RNF214: variants seen among roughly 807,000 people sequenced by gnomAD.
RNF214 encodes ring finger protein 214.
RNF214 carries 25 observed loss-of-function variants against 75.9 expected under a neutral mutation model. The observed-to-expected ratio is 0.33, with a 90% CI of 0.24 to 0.46. The LOEUF (loss-of-function observed/expected upper bound fraction) is 0.46. Ranked by LOEUF, RNF214 falls within the 20% of genes least tolerant of loss-of-function variation. The pLI is 1.00. For missense variants in RNF214, 725 were observed against 857.5 expected (o/e 0.85, Z 1.93); for synonymous variants, 314 against 308.8 (o/e 1.02, Z -0.18).
At chr11:117,241,578 C>CAA (rs201566240) in intron 4 of RNF214, among the ~76,000 whole-genome samples, 187 of 102,910 alleles carry the variant, frequency 1.8e-3, no homozygotes, top group South Asian at 0.014. Flanking sequence ...GAATCTGTCT[C>CAA]AAAAAAAAAA....
intron 6 of RNF214, among the ~76,000 whole-genome samples, chr11:117,260,718 G>T (rs886567200): frequency 6.8e-6 from 1 of 147,216 alleles, no homozygotes; most frequent in African/African-American, 2.5e-5. Flanking sequence ...ATAATGGCGC[G>T]ATCTTGGCTC....
chr11:117,251,670 G>T (rs1320321587), intron 6 of RNF214, among the ~76,000 whole-genome samples: 1 of 152,150 alleles, frequency 6.6e-6, no homozygotes, highest in Non-Finnish European at 1.5e-5. Flanking sequence ...GGCAACAAAT[G>T]AAGGAAAAGA....
At chr11:117,280,681 A>C (rs1042052511) in intron 8 of RNF214, among the ~76,000 whole-genome samples, 1 of 152,192 alleles carries the variant, frequency 6.6e-6, no homozygotes, top group Non-Finnish European at 1.5e-5. Context: ...AAAAAATAAA[A>C]AATAACCAGC....
At position 117,245,346 on chromosome 11, in the gene RNF214, T is replaced by C. The variant is rs913717565; in HGVS notation, c.819+761T>C. ...AAAAAGTATTAATACTCATAGACTTTTTTTTTTTTTTGAGACGGAGTCTCG... is the reference window on the plus strand; with the variant it reads ...AAAAAGTATTAATACTCATAGACTTCTTTTTTTTTTTGAGACGGAGTCTCG... On this transcript the variant is annotated intron_variant, in intron 5 of 14. Coordinates refer to ENST00000300650, the MANE Select transcript of RNF214 (RefSeq NM_207343.4). 1.2e-4 allele frequency among the ~76,000 whole-genome samples: 18 copies of C among 150,574 alleles called. No individual in the cohort carries two copies. The South Asian group carries it at 3.8e-3, about 32-fold the overall frequency.
chr11:117,232,709 C>G lies in RNF214; in HGVS notation c.-24C>G, dbSNP rs1050283474. Reference sequence around the variant, plus strand: ...CCCCGTGGCTCGGCCGCCCCCTCCCCCCGCTCCGCCCGCTCAGGTGCGTCC... The same window carrying G: ...CCCCGTGGCTCGGCCGCCCCCTCCCGCCGCTCCGCCCGCTCAGGTGCGTCC... On this transcript the variant is annotated 5_prime_UTR_variant, in exon 1 of 15. Transcript: ENST00000300650. 26 of 150,924 alleles carry G rather than the reference C, an allele frequency of 1.7e-4. No individual in the cohort carries two copies. Among genetic ancestry groups the G allele is most frequent in the African/African-American group, 6.1e-4 (25 of 41,208 alleles). The allele number at this position is 150,924 out of a possible 1,614,324, so 9.3% of individuals were successfully genotyped here.
At chr11:117,275,007 A>G (rs1277159530) in intron 6 of RNF214, among the ~76,000 whole-genome samples, 3 of 152,112 alleles carry the variant, frequency 2.0e-5, no homozygotes, top group Non-Finnish European at 4.4e-5. Context: ...GATAGGCCAT[A>G]TGATAGGCTA....
At chr11:117,251,390 C>G (rs866790118) in intron 6 of RNF214, among the ~76,000 whole-genome samples, 4 of 141,450 alleles carry the variant, frequency 2.8e-5, no homozygotes, top group African/African-American at 7.8e-5. Context: ...CTGACCCCCC[C>G]ACCTCCCTCC....
At position 117,238,995 on chromosome 11, in the gene RNF214, A is replaced by T; in HGVS notation, c.502A>T (p.Ser168Cys). The T allele has an allele frequency of 2.5e-6, 4 of 1,614,182 alleles. No individual in the cohort carries two copies. Among genetic ancestry groups the T allele is most frequent in the Non-Finnish European group, 3.4e-6 (4 of 1,180,024 alleles). ...CCTAAAGGAAGGTAACAGGGACACA[A>T]GCTTGGATTTCCGACCTGTAGTGTC... ...SILKEGNRDT[S>C]LDFRPVVSPA... Residue 168 changes from serine to cysteine, a missense_variant, in exon 3 of 15, where the codon AGC becomes TGC. Physicochemically the swap from Ser to Cys is moderately radical, Grantham distance 112 (BLOSUM62 -1). Coordinates refer to ENST00000300650, the MANE Select transcript of RNF214 (RefSeq NM_207343.4).
chr11:117,242,684 C>G (rs1179480477), intron 4 of RNF214, among the ~76,000 whole-genome samples: 2 of 152,206 alleles, frequency 1.3e-5, no homozygotes, highest in Non-Finnish European at 2.9e-5. Flanking sequence ...AAAACCCCAT[C>G]TCTCCTAAAA....
rs534624106 is a variant in RNF214, at chr11:117,273,125, G to A, written c.960-6783G>A. ...TTTCATGGAAGAAGCTTACTTATCT[G>A]CTATATTTAATTGATTGCAATATAT... On this transcript the variant is annotated intron_variant, in intron 6 of 14. Coordinates refer to ENST00000300650, the MANE Select transcript of RNF214 (RefSeq NM_207343.4). Among the ~76,000 whole-genome samples, 9 of 152,084 alleles carry A rather than the reference G, an allele frequency of 5.9e-5. No individual in the cohort carries two copies. In the South Asian group the frequency reaches 1.9e-3, roughly 32 times the overall value.
intron 6 of RNF214, among the ~76,000 whole-genome samples, chr11:117,273,443 A>C (rs1361569721): frequency 6.7e-6 from 1 of 148,630 alleles, no homozygotes; most frequent in Non-Finnish European, 1.5e-5. Flanking sequence ...CTATTTGTTT[A>C]CCTTGAATTT....
In RNF214 at chr11:117,281,786, G is replaced by T. The variant is rs1047753482; in HGVS notation, c.1335+88G>T. 2.6e-4 allele frequency: 389 copies of T among 1,506,544 alleles called. 2 individuals are homozygous for T. The highest frequency in any genetic ancestry group is 6.9e-4 in the Middle Eastern group (4 of 5,834). The allele number at this position is 1,506,544 out of a possible 1,614,324, so 93.3% of individuals were successfully genotyped here. On this transcript the variant is annotated intron_variant, in intron 10 of 14. Transcript: ENST00000300650. ...TGCGTGTTCTTTTTATGAAGATATT[G>T]GGACCATCCCTATTCAGTGCAAGAG...
chr11:117,245,941 G>C (rs1215590394), intron 5 of RNF214, among the ~76,000 whole-genome samples: 1 of 152,080 alleles, frequency 6.6e-6, no homozygotes, highest in African/African-American at 2.4e-5. Context: ...TGAAGTGGGG[G>C]AGTGACTCTT....
chr11:117,281,639 G>A lies in RNF214; in HGVS notation c.1276G>A (p.Ala426Thr), dbSNP rs1444107489. The A allele has an allele frequency of 6.2e-7, 1 of 1,613,704 alleles. No homozygotes were observed. Among genetic ancestry groups the A allele is most frequent in the Non-Finnish European group, 8.5e-7 (1 of 1,179,772 alleles). Reference protein sequence around the residue: ...NSHIQLVRNGAKLSSLPQIPT... With the variant: ...NSHIQLVRNGTKLSSLPQIPT... ...TCATATCCAGTTAGTGAGGAACGGA[G>A]CCAAGCTGAGCAGCCTTCCTCAAAT... Residue 426 changes from alanine to threonine, a missense_variant, in exon 10 of 15, where the codon GCC becomes ACC. Around this residue, in one of 2 missense-constraint regions of RNF214, gnomAD observed 363 missense variants for 513.0 expected, o/e 0.71. Transcript: ENST00000300650.
At chr11:117,251,803 G>C (rs1448785370) in intron 6 of RNF214, among the ~76,000 whole-genome samples, 4 of 152,166 alleles carry the variant, frequency 2.6e-5, no homozygotes, top group African/African-American at 9.7e-5. Context: ...CCATGATAGA[G>C]ATATTGAAGG....
chr11:117,256,012 A>G (rs1221561358), intron 6 of RNF214, among the ~76,000 whole-genome samples: 1 of 152,186 alleles, frequency 6.6e-6, no homozygotes, highest in Non-Finnish European at 1.5e-5. Flanking sequence ...GTATGACCTT[A>G]TTACTTGCCC....
chr11:117,254,786 G>C (rs1482492153), intron 6 of RNF214, among the ~76,000 whole-genome samples: 20 of 152,054 alleles, frequency 1.3e-4, no homozygotes, highest in Non-Finnish European at 8.8e-5. Flanking sequence ...ACCATGCCCG[G>C]CTAATTTTTT....
Position 117,239,804 on chromosome 11 carries a change from G to T in RNF214, c.622G>T (p.Asp208Tyr). 1.3e-6 allele frequency: 2 copies of T among 1,546,236 alleles called. No individual in the cohort carries two copies. Among genetic ancestry groups the T allele is most frequent in the South Asian group, 1.1e-5 (1 of 89,544 alleles). The part of the protein sequence containing the change: ...KLSQNIAVQT[D>Y]FKTADSEVNT... ...ATATAACTTTTTTCCTTTATAGACT[G>T]ACTTTAAGACAGCTGATTCAGAGGT... Residue 208 changes from aspartate to tyrosine, a missense_variant, in exon 4 of 15, where the codon GAC (aspartate) becomes TAC (tyrosine). Around this residue, in one of 2 missense-constraint regions of RNF214, gnomAD observed 362 missense variants for 344.5 expected, o/e 1.05. Transcript: ENST00000300650.
At chr11:117,244,308 C>A in intron 4 of RNF214, 137 bp from the exon 5 acceptor site, 1 of 619,508 alleles carries the variant, frequency 1.6e-6, no homozygotes, top group Admixed American at 3.6e-5. Flanking sequence ...CTGAATATAG[C>A]CACATATGGC....
Sources: allele counts gnomAD v4.1 joint callset (sites outside exome capture counted in the v4.1 genomes callset), GRCh38; gene constraint gnomAD v4.1.1; regional missense constraint gnomAD v4.1.1; transcripts MANE v1.5; gene names NCBI Gene and HGNC (gene_info 2026-07-23, HGNC 2026-07-21).